Variants in NHSL1 observed in about 807,000 individuals in gnomAD.
NHSL1 encodes the protein NHS like 1.
NHSL1 carries 48 observed loss-of-function variants against 95.0 expected under a neutral mutation model. The observed-to-expected ratio is 0.51, with a 90% CI of 0.40 to 0.64. The LOEUF (loss-of-function observed/expected upper bound fraction) is 0.64. NHSL1 is among the 30% of genes least tolerant of loss of function. NHSL1 has a pLI of 0.00. For missense variants in NHSL1, 1,971 were observed against 2,077.7 expected (o/e 0.95, Z 1.00); for synonymous variants, 783 against 833.9 (o/e 0.94, Z 1.05).
intron 3 of NHSL1, among the ~76,000 whole-genome samples, chr6:138,460,470 C>T (rs1777920931): frequency 6.6e-6 from 1 of 151,844 alleles, no homozygotes; most frequent in South Asian, 2.1e-4. Flanking sequence ...TGTATATATA[C>T]AGACATTTTT....
At position 138,424,149 on chromosome 6, in the gene NHSL1, C is replaced by T; in HGVS notation, c.4753G>A (p.Gly1585Arg). The T allele has an allele frequency of 6.9e-7, 1 of 1,442,842 alleles. No individual in the cohort carries two copies. Among genetic ancestry groups the T allele is most frequent in the Non-Finnish European group, 9.1e-7 (1 of 1,100,940 alleles). 89.4% of individuals were successfully genotyped at this position (1,442,842 alleles called of 1,614,324 possible). The change falls in exon 8 of 8, where the codon GGG becomes AGG. Residue 1585 changes from glycine (G) to arginine (R), a missense_variant. Physicochemically the swap from Gly to Arg is moderately radical, Grantham distance 125. Around this residue, in one of 3 missense-constraint regions of NHSL1, gnomAD observed 223 missense variants for 217.0 expected, o/e 1.03. Coordinates refer to ENST00000343505, the MANE Select transcript of NHSL1 (RefSeq NM_001144060.2). This position sits in a 1 kb window ranked among gnomAD's most constrained non-coding sequence, Gnocchi z 5.9. ...LQPQAPGPVD[G>R]TASAEGREPS... ...TCTCTGCCCTCTGCACTGGCTGTCC[C>T]ATCCACAGGGCCGGGGGCCTGGGGC...
At position 138,512,385 on chromosome 6, in the gene NHSL1, C is replaced by T. The variant is rs538350881; in HGVS notation, c.17-16014G>A. Reference sequence around the variant, plus strand: ...CATCTATGGAGAACTCGTTCCGGCACGATGTCCCATGTTAAAATAGGATAA... The same window carrying T: ...CATCTATGGAGAACTCGTTCCGGCATGATGTCCCATGTTAAAATAGGATAA... On this transcript the variant is annotated intron_variant, in intron 1 of 4. Transcript: ENST00000342260. 5.6e-5 allele frequency: 25 copies of T among 446,612 alleles called. No individual in the cohort carries two copies. In the East Asian group the frequency reaches 5.7e-4, roughly 10 times the overall value. 27.7% of individuals were successfully genotyped at this position (446,612 alleles called of 1,614,324 possible). A position where few individuals can be genotyped will look rare whatever the true frequency, so the allele number is the denominator to read the frequency against.
At chr6:138,596,771 G>A (rs73774845) in intron 1 of NHSL1, among the ~76,000 whole-genome samples, 3 of 151,910 alleles carry the variant, frequency 2.0e-5, no homozygotes, top group Non-Finnish European at 2.9e-5. Flanking sequence ...TGGCGGGGGT[G>A]GGGGGGAAGT....
At chr6:138,574,380 A>C (rs149183003), upstream of NHSL1, among the ~76,000 whole-genome samples, 26 of 152,290 alleles carry the variant, frequency 1.7e-4, no homozygotes, top group East Asian at 5.0e-3. Context: ...CTCACCAGAG[A>C]AATCCATTAA....
chr6:138,529,508 A>G (rs1782047908), intron 1 of NHSL1, among the ~76,000 whole-genome samples: 2 of 152,202 alleles, frequency 1.3e-5, no homozygotes, highest in African/African-American at 4.8e-5. Flanking sequence ...CCCATTTATT[A>G]TCTCACAGTT....
intron 1 of NHSL1, among the ~76,000 whole-genome samples, chr6:138,579,773 T>C (rs1288562989): frequency 6.6e-6 from 1 of 152,222 alleles, no homozygotes; most frequent in East Asian, 1.9e-4. Context: ...GTTTAAAAAA[T>C]TACAAAGAAT....
In NHSL1 at chr6:138,430,788, G is replaced by A. The variant is rs1343751924; in HGVS notation, c.3557C>T (p.Ser1186Phe). 8.4e-6 allele frequency: 13 copies of A among 1,551,446 alleles called. No homozygotes were observed. The highest frequency in any genetic ancestry group is 1.7e-4 in the Middle Eastern group (1 of 6,014). The change falls in exon 6 of 8, where the codon TCT becomes TTT. Residue 1186 changes from serine (S) to phenylalanine (F), a missense_variant. Physicochemically the swap from Ser to Phe is radical, Grantham distance 155. Coordinates refer to ENST00000343505, the MANE Select transcript of NHSL1 (RefSeq NM_001144060.2). The surrounding 1 kb of genome is among the most constrained non-coding windows in gnomAD (Gnocchi z 4.7). ...PSPSTTPLPD[S>F]SPSRKPPPIS... ...GGGGGGTGGCTTCCTGCTGGGTGAA[G>A]AGTCTGGGAGTGGGGTGGTGCTGGG...
chr6:138,654,737 A>AAAAAC (rs1050182665), intron 1 of NHSL1, among the ~76,000 whole-genome samples: 1 of 152,170 alleles, frequency 6.6e-6, no homozygotes, highest in Non-Finnish European at 1.5e-5. Context: ...GCCTTGACTG[A>AAAAAC]AAAACAAAAC....
intron 1 of NHSL1, among the ~76,000 whole-genome samples, chr6:138,505,983 C>G (rs1372834908): frequency 6.6e-6 from 1 of 152,134 alleles, no homozygotes; most frequent in African/African-American, 2.4e-5. Flanking sequence ...GGTTAAAATA[C>G]TTCAAATACG....
rs1167451267 is a variant in NHSL1 at position 138,432,152 on chromosome 6, G to A, written c.2193C>T (p.Pro731=). 6.5e-7 allele frequency: 1 copy of A among 1,548,622 alleles called. No homozygotes were observed. The highest frequency in any genetic ancestry group is 8.7e-7 in the Non-Finnish European group (1 of 1,145,318). The change falls in exon 6 of 8, where the codon CCC becomes CCT. Residue 731 remains proline, a synonymous_variant. Coordinates refer to ENST00000343505, the MANE Select transcript of NHSL1 (RefSeq NM_001144060.2). The surrounding 1 kb of genome is among the most constrained non-coding windows in gnomAD (Gnocchi z 4.4). ...TCTGGCTCCGGGAGCGGGGCAGCCA[G>A]GGCTCTTCCAAGTCACTGCAGGGGC... ...SQSPCSDLEE[P]WLPRSRSQST... is the part of the protein sequence containing the mutation.
intron 1 of NHSL1, among the ~76,000 whole-genome samples, chr6:138,674,922 T>C (rs1785429338): frequency 6.6e-6 from 1 of 151,956 alleles, no homozygotes; most frequent in Admixed American, 6.6e-5. Flanking sequence ...GTGGCACGCA[T>C]CTGTAGTCCC....
chr6:138,528,818 G>A (rs188051076), intron 1 of NHSL1, among the ~76,000 whole-genome samples: 439 of 152,176 alleles, frequency 2.9e-3, no homozygotes, highest in Middle Eastern at 0.01. Context: ...CAGTATTTCC[G>A]GAATGAAGTC....
At chr6:138,688,277 T>C (rs1340733454) in intron 1 of NHSL1, among the ~76,000 whole-genome samples, 1 of 152,048 alleles carries the variant, frequency 6.6e-6, no homozygotes, top group Non-Finnish European at 1.5e-5. Flanking sequence ...AGTGGGTGAA[T>C]TGTATGGTGT....
At chr6:138,495,463 A>G (rs1780294306) in intron 2 of NHSL1, among the ~76,000 whole-genome samples, 1 of 152,194 alleles carries the variant, frequency 6.6e-6, no homozygotes, top group Non-Finnish European at 1.5e-5. Flanking sequence ...TTTTCCAGCC[A>G]GCTTGAACTA....
Position 138,647,968 on chromosome 6 carries a change from C to T in NHSL1, c.96+44508G>A, listed in dbSNP as rs146464531. Among the ~76,000 whole-genome samples, 295 of 152,196 alleles carry T rather than the reference C, an allele frequency of 1.9e-3. 1 individual carries two copies. The highest frequency in any genetic ancestry group is 3.4e-3 in the Middle Eastern group (1 of 292). ...TTGTTGCCAAATTTTTCAAAGTCAC[C>T]ACTACTTTTAATGAGTTATGGTATG... is the stretch of plus-strand genomic sequence containing the variant. On this transcript the variant is annotated intron_variant, in intron 1 of 3. Transcript: ENST00000491526.
chr6:138,523,429 C>T (rs11758715), intron 1 of NHSL1, among the ~76,000 whole-genome samples: 42,072 of 151,684 alleles, frequency 0.28, 6,475 homozygotes, highest in Middle Eastern at 0.5. Context: ...CCTGCTTCAG[C>T]CTTCCAAGTA....
At chr6:138,547,271 C>T (rs944713205), upstream of NHSL1, among the ~76,000 whole-genome samples, 1 of 151,128 alleles carries the variant, frequency 6.6e-6, no homozygotes, top group African/African-American at 2.4e-5. Flanking sequence ...AGTCACTGTA[C>T]TAGTTTCTAT....
chr6:138,459,635 A>G (rs968573349), intron 3 of NHSL1, among the ~76,000 whole-genome samples: 1 of 152,218 alleles, frequency 6.6e-6, no homozygotes, highest in Non-Finnish European at 1.5e-5. Flanking sequence ...GCTAAGTGGT[A>G]ATAATGATAG....
chr6:138,437,274 C>CAAA (rs1202748920), intron 5 of NHSL1, among the ~76,000 whole-genome samples: 22 of 111,232 alleles, frequency 2.0e-4, no homozygotes, highest in African/African-American at 7.6e-4. Context: ...AACTCTGTCT[C>CAAA]AAAAAAAAAA....
Sources: gnomAD v4.1 joint callset for allele counts (sites outside exome capture counted in the v4.1 genomes callset) on GRCh38, gnomAD v4.1.1 for gene constraint, gnomAD v4.1.1 regional missense constraint, Gnocchi (gnomAD v3.1) non-coding constraint, MANE v1.5 for transcripts, NCBI Gene and HGNC (gene_info 2026-07-23, HGNC 2026-07-21) for gene names.